Variants in CNTNAP2 observed in about 807,000 individuals in gnomAD.
CNTNAP2 encodes contactin associated protein 2.
A neutral mutation model predicts 155.2 loss-of-function variants in CNTNAP2; 98 were observed. That is an observed-to-expected ratio of 0.63 (90% CI 0.54 to 0.75). The LOEUF is 0.75. CNTNAP2 is among the 30% of genes least tolerant of loss of function. The pLI, the probability that CNTNAP2 is intolerant of heterozygous loss-of-function variation, is 0.00. For synonymous variants in CNTNAP2, 651 were observed against 631.2 expected (o/e 1.03, Z -0.47); for missense variants, 1,727 against 1,688.1 (o/e 1.02, Z -0.40).
At chr7:147,263,931 G>C (rs1415290524) in intron 8 of CNTNAP2, among the ~76,000 whole-genome samples, 3 of 152,150 alleles carry the variant, frequency 2.0e-5, no homozygotes, top group Non-Finnish European at 4.4e-5. Flanking sequence ...GTGTGTTTGA[G>C]TCTATGGGGA....
chr7:148,404,464 G>A (rs1018060787), intron 22 of CNTNAP2, among the ~76,000 whole-genome samples: 9 of 151,422 alleles, frequency 5.9e-5, no homozygotes, highest in East Asian at 5.8e-4. Context: ...CCTATGAGAC[G>A]GGAGAGTTCC....
At chr7:147,054,833 G>A (rs10266622) in intron 4 of CNTNAP2, among the ~76,000 whole-genome samples, 67,403 of 151,914 alleles carry the variant, frequency 0.44, 15,791 homozygotes, top group East Asian at 0.59. Context: ...TATCAGAATA[G>A]TATCAGATCT....
chr7:147,758,515 T>C (rs1797250741), intron 13 of CNTNAP2, among the ~76,000 whole-genome samples: 1 of 152,154 alleles, frequency 6.6e-6, no homozygotes, highest in Non-Finnish European at 1.5e-5. Context: ...GGTGACGTAG[T>C]AAGGATCCTT....
chr7:146,303,538 T>A (rs1383844362), intron 1 of CNTNAP2, among the ~76,000 whole-genome samples: 2 of 152,172 alleles, frequency 1.3e-5, no homozygotes, highest in Non-Finnish European at 2.9e-5. Context: ...CTGAACTTTA[T>A]ACTGGAGCAG....
chr7:147,316,135 T>C (rs1041028438), intron 9 of CNTNAP2, among the ~76,000 whole-genome samples: 14 of 152,236 alleles, frequency 9.2e-5, no homozygotes, highest in African/African-American at 3.4e-4. Flanking sequence ...GTGGAATTGC[T>C]GTGTCATATG....
chr7:147,083,494 C>G (rs576258081), intron 4 of CNTNAP2, among the ~76,000 whole-genome samples: 16 of 146,846 alleles, frequency 1.1e-4, no homozygotes, highest in African/African-American at 4.0e-4. Flanking sequence ...AAGACTAACT[C>G]GTTTTCAGGT....
intron 8 of CNTNAP2, among the ~76,000 whole-genome samples, chr7:147,278,452 T>C (rs951290604): frequency 6.6e-6 from 1 of 151,790 alleles, no homozygotes; most frequent in Non-Finnish European, 1.5e-5. Context: ...AACAATCTGT[T>C]GAATGAGTAA....
At chr7:147,651,681 G>GACA (rs1394430894) in intron 13 of CNTNAP2, among the ~76,000 whole-genome samples, 14 of 152,290 alleles carry the variant, frequency 9.2e-5, no homozygotes, top group Admixed American at 4.6e-4. Context: ...AACAAAGTTA[G>GACA]AACAATGGCA....
At chr7:146,613,384 C>A (rs1476067518) in intron 1 of CNTNAP2, among the ~76,000 whole-genome samples, 1 of 152,110 alleles carries the variant, frequency 6.6e-6, no homozygotes, top group Non-Finnish European at 1.5e-5. Context: ...ATGATTTATT[C>A]ATCATACATA....
chr7:147,720,260 C>T (rs1325704451), intron 13 of CNTNAP2, among the ~76,000 whole-genome samples: 1 of 152,092 alleles, frequency 6.6e-6, no homozygotes, highest in Non-Finnish European at 1.5e-5. Context: ...AGCATGCCCA[C>T]TAGACATACT....
rs117045388 is a variant in CNTNAP2 at position 147,901,167 on chromosome 7, C to T, written c.2099-2398C>T. On this transcript the variant is annotated intron_variant, in intron 13 of 23. Transcript: ENST00000361727. ...ACCTTTTTTGTGTGTGTTTTCTCTT[C>T]TCCTCCATTTCTACTACTATTTTAT... Among the ~76,000 whole-genome samples, 18 of 152,246 alleles carry T rather than the reference C, an allele frequency of 1.2e-4. No individual in the cohort carries two copies. The East Asian group carries it at 3.3e-3, about 28-fold the overall frequency.
intron 1 of CNTNAP2, among the ~76,000 whole-genome samples, chr7:146,329,560 G>C (rs753516151): frequency 6.6e-6 from 1 of 152,068 alleles, no homozygotes; most frequent in African/African-American, 2.4e-5. Flanking sequence ...CTTTAATTTG[G>C]TTTAATGTTG....
intron 14 of CNTNAP2, among the ~76,000 whole-genome samples, chr7:147,912,229 T>C (rs1486678733): frequency 1.3e-5 from 2 of 152,188 alleles, no homozygotes; most frequent in East Asian, 1.9e-4. Flanking sequence ...CACATCCATA[T>C]TTCACTAGTA....
intron 9 of CNTNAP2, among the ~76,000 whole-genome samples, chr7:147,335,832 C>G (rs1483652063): frequency 2.0e-5 from 3 of 151,882 alleles, no homozygotes; most frequent in Middle Eastern, 3.4e-3. Context: ...GGCAACTTAA[C>G]ATTTAATATC....
chr7:147,781,895 C>G (rs1027172418), intron 13 of CNTNAP2, among the ~76,000 whole-genome samples: 3 of 151,992 alleles, frequency 2.0e-5, no homozygotes, highest in Non-Finnish European at 4.4e-5. Context: ...TGGCGGCGGG[C>G]GCCTGTAGTC....
At chr7:147,218,309 C>T (rs1428579974) in intron 8 of CNTNAP2, among the ~76,000 whole-genome samples, 1 of 151,772 alleles carries the variant, frequency 6.6e-6, no homozygotes, top group Non-Finnish European at 1.5e-5. Flanking sequence ...GTTTTTACTA[C>T]ATCCAACAAA....
At chr7:146,767,885 A>G (rs1283048929) in intron 1 of CNTNAP2, among the ~76,000 whole-genome samples, 1 of 152,116 alleles carries the variant, frequency 6.6e-6, no homozygotes, top group East Asian at 1.9e-4. Context: ...GCCCCAATTT[A>G]TGTTGCTAGG....
At chr7:147,975,579 C>T (rs1801415318) in intron 14 of CNTNAP2, among the ~76,000 whole-genome samples, 1 of 152,110 alleles carries the variant, frequency 6.6e-6, no homozygotes, top group African/African-American at 2.4e-5. Context: ...ACCTTCTCTT[C>T]CTACAGGATA....
At chr7:146,231,967 A>C (rs802549) in intron 1 of CNTNAP2, among the ~76,000 whole-genome samples, 132,435 of 152,162 alleles carry the variant, frequency 0.87, 57,812 homozygotes, top group East Asian at 0.99. Context: ...ATTTTTGCAA[A>C]TTTTCTCCAA....
Sources: gnomAD v4.1 joint callset for allele counts (sites outside exome capture counted in the v4.1 genomes callset) on GRCh38, gnomAD v4.1.1 for gene constraint, MANE v1.5 for transcripts, NCBI Gene and HGNC (gene_info 2026-07-23, HGNC 2026-07-21) for gene names.